The following RAB33B variants were observed in gnomAD, a reference collection of about 807,000 sequenced individuals.
RAB33B encodes ras-related protein Rab-33B.
A neutral mutation model predicts 15.0 loss-of-function variants in RAB33B; 6 were observed. The observed-to-expected ratio is 0.40, with a 90% CI of 0.22 to 0.79. The LOEUF is 0.79. RAB33B is among the 30% of genes least tolerant of loss of function. The probability of loss-of-function intolerance (pLI) is 0.37; values close to 1 mark genes in which losing one functional copy is unlikely to be tolerated. For synonymous variants in RAB33B, 117 were observed against 108.3 expected (o/e 1.08, Z -0.50); for missense variants, 257 against 296.4 (o/e 0.87, Z 0.98).
intron 1 of RAB33B, among the ~76,000 whole-genome samples, chr4:139,465,344 G>A (rs1240157951): frequency 2.0e-5 from 3 of 152,186 alleles, no homozygotes; most frequent in African/African-American, 7.2e-5. Context: ...TAGGTTGCCT[G>A]TTCACTCTGA....
chr4:139,466,785 G>A (rs1004502661), intron 1 of RAB33B, among the ~76,000 whole-genome samples: 2 of 151,666 alleles, frequency 1.3e-5, no homozygotes, highest in African/African-American at 4.8e-5. Flanking sequence ...TTGCCCTGTT[G>A]GCCAGGCTGG....
intron 1 of RAB33B, among the ~76,000 whole-genome samples, chr4:139,462,925 C>T (rs1750201769): frequency 6.6e-6 from 1 of 152,172 alleles, no homozygotes; most frequent in Admixed American, 6.5e-5. Flanking sequence ...CATGTAATCT[C>T]AGCACTTTGG....
chr4:139,468,027 C>G (rs1331667661), intron 1 of RAB33B, among the ~76,000 whole-genome samples: 7 of 151,532 alleles, frequency 4.6e-5, no homozygotes, highest in Non-Finnish European at 7.4e-5. Flanking sequence ...ACTACCCTTC[C>G]CGAGCCTCTG....
chr4:139,445,157 G>A, the RAB33B span, among the ~76,000 whole-genome samples: 3 of 152,212 alleles, frequency 2.0e-5, no homozygotes, highest in Non-Finnish European at 4.4e-5. Context: ...CTCCTGGTAC[G>A]TGGTATGTAG....
chr4:139,448,984 T>C (rs1749876504), upstream of RAB33B: 1 of 152,410 alleles, frequency 6.6e-6, no homozygotes, highest in East Asian at 1.9e-4. Context: ...CTGTCAAGAA[T>C]GAGGACTTCC....
upstream of RAB33B, chr4:139,454,019 T>A (rs1270910797): frequency 1.5e-6 from 1 of 664,112 alleles, no homozygotes; most frequent in Non-Finnish European, 2.3e-6. Flanking sequence ...GTGCCACACC[T>A]GTGCGGGCAA....
chr4:139,475,435 ATTAG>A lies in RAB33B; in HGVS notation c.*2312_*2315del. On this transcript the variant is annotated 3_prime_UTR_variant, in exon 2 of 2. Transcript: ENST00000305626. ...GACTTATTTTTTAACTGTAATATTT[ATTAG>A]TTTTAAAATATTTGTATCTCATTTG... The A allele has an allele frequency of 6.6e-6, 1 of 152,040 alleles. No individual in the cohort carries two copies. The highest frequency in any genetic ancestry group is 2.1e-4 in the South Asian group (1 of 4,814). The allele number at this position is 152,040 out of a possible 1,614,324, so 9.4% of individuals were successfully genotyped here. A position where few individuals can be genotyped will look rare whatever the true frequency, so the allele number is the denominator to read the frequency against.
chr4:139,451,363 C>CTTTTTTTTTTTTTTT (rs901731114), upstream of RAB33B: 2 of 108,632 alleles, frequency 1.8e-5, no homozygotes, highest in Non-Finnish European at 3.7e-5. Flanking sequence ...ACCACACCCA[C>CTTTTTTTTTTTTTTT]TTTTTTTTTT....
At chr4:139,441,802 A>G in the RAB33B span, among the ~76,000 whole-genome samples, 11 of 152,358 alleles carry the variant, frequency 7.2e-5, no homozygotes, top group African/African-American at 2.4e-4. Context: ...TTGTCTGTAC[A>G]TAAGACAGAC....
intron 1 of RAB33B, among the ~76,000 whole-genome samples, chr4:139,456,978 A>C (rs1286297498): frequency 6.6e-6 from 1 of 152,252 alleles, no homozygotes; most frequent in Non-Finnish European, 1.5e-5. Flanking sequence ...AGCCTGATCT[A>C]AAATGACATT....
rs114812457 is a variant in RAB33B at position 139,454,832 on chromosome 4, C to G, written c.249+388C>G. 1.7e-4 allele frequency among the ~76,000 whole-genome samples: 26 copies of G among 152,166 alleles called. 1 individual carries two copies. The highest frequency in any genetic ancestry group is 5.8e-4 in the African/African-American group (24 of 41,518). ...GAACGGAGGAAAAACAGTGAAATTG[C>G]GCGAGAATGGAAAATTCATTTAATC... On this transcript the variant is annotated intron_variant, in intron 1 of 1. Transcript: ENST00000305626.
the RAB33B span, among the ~76,000 whole-genome samples, chr4:139,443,537 A>G: frequency 2.5e-3 from 387 of 152,334 alleles, 3 homozygotes; most frequent in African/African-American, 8.8e-3. Context: ...GTCCTAAGTG[A>G]GAGTCTTATC....
chr4:139,442,088 T>C, the RAB33B span, among the ~76,000 whole-genome samples: 1 of 152,214 alleles, frequency 6.6e-6, no homozygotes, highest in Admixed American at 6.5e-5. Flanking sequence ...TTTTTCCCTT[T>C]AGCTTCCAAT....
upstream of RAB33B, chr4:139,454,119 G>C: frequency 1.3e-6 from 2 of 1,492,340 alleles, no homozygotes; most frequent in Admixed American, 2.2e-5. Flanking sequence ...GGCTGGGCGC[G>C]CGCTCTTGCG....
intron 1 of RAB33B, among the ~76,000 whole-genome samples, chr4:139,463,358 A>T (rs902095199): frequency 6.6e-6 from 1 of 151,302 alleles, no homozygotes; most frequent in Admixed American, 6.6e-5. Context: ...CTGGTCTTGA[A>T]CTCCTGACCT....
intron 1 of RAB33B, among the ~76,000 whole-genome samples, chr4:139,465,525 CT>C (rs1750266918): frequency 6.6e-6 from 1 of 152,078 alleles, no homozygotes; most frequent in Admixed American, 6.6e-5. Context: ...GGTTTTAGGT[CT>C]AACATTTAAG....
the RAB33B span, among the ~76,000 whole-genome samples, chr4:139,447,759 C>T: frequency 2.0e-5 from 3 of 149,114 alleles, no homozygotes; most frequent in South Asian, 2.1e-4. Flanking sequence ...CTCCGCCTCC[C>T]GGGTTCACGC....
At chr4:139,472,593 G>A in intron 1 of RAB33B, 93 bp from the exon 2 acceptor site, 1 of 916,482 alleles carries the variant, frequency 1.1e-6, no homozygotes, top group East Asian at 2.6e-5. Flanking sequence ...TTTAAGTGAA[G>A]AGATAATAAA....
rs1750463677 is a variant in RAB33B, at chr4:139,474,568, A to G, written c.*1442A>G. 1 of 152,646 alleles carries G rather than the reference A, an allele frequency of 6.6e-6. No homozygotes were observed. The highest frequency in any genetic ancestry group is 2.1e-4 in the South Asian group (1 of 4,834). The allele number at this position is 152,646 out of a possible 1,614,324, so 9.5% of individuals were successfully genotyped here. A position where few individuals can be genotyped will look rare whatever the true frequency, so the allele number is the denominator to read the frequency against. On this transcript the variant is annotated 3_prime_UTR_variant, in exon 2 of 2. Coordinates refer to ENST00000305626, the MANE Select transcript of RAB33B (RefSeq NM_031296.3). The stretch of plus-strand genomic sequence containing the variant: ...ATTAGTCTACATGTATTTCTGTAAT[A>G]GTATTGTGTCATATCAATTTTTAAG...
Sources: allele counts gnomAD v4.1 joint callset (sites outside exome capture counted in the v4.1 genomes callset), GRCh38; gene constraint gnomAD v4.1.1; transcripts MANE v1.5; gene names NCBI Gene and HGNC (gene_info 2026-07-23, HGNC 2026-07-21).